KCNQ5: variants seen among roughly 807,000 people sequenced by gnomAD.
KCNQ5 encodes potassium voltage-gated channel subfamily Q member 5, also known as potassium voltage-gated channel subfamily KQT member 5.
In KCNQ5, 30 loss-of-function variants were observed where a neutral mutation model predicts 98.2. That is an observed-to-expected ratio of 0.31 (90% CI 0.23 to 0.41). The LOEUF (loss-of-function observed/expected upper bound fraction) is 0.41, where lower values mean the gene tolerates loss of function less well. KCNQ5 is among the 10% of genes least tolerant of loss of function. The probability of loss-of-function intolerance (pLI) is 1.00; values close to 1 mark genes in which losing one functional copy is unlikely to be tolerated. For synonymous variants in KCNQ5, 458 were observed against 449.4 expected (o/e 1.02, Z -0.24); for missense variants, 835 against 1,182.5 (o/e 0.71, Z 4.31).
chr6:73,055,049 TC>T, intron 3 of KCNQ5: 1 of 601,938 alleles, frequency 1.7e-6, no homozygotes, highest in Non-Finnish European at 3.1e-6. Context: ...ACCAACAACA[TC>T]CAAGCTGAGA....
intron 1 of KCNQ5, among the ~76,000 whole-genome samples, chr6:72,667,965 A>G (rs1354864742): frequency 6.6e-6 from 1 of 152,210 alleles, no homozygotes; most frequent in Non-Finnish European, 1.5e-5. Flanking sequence ...TATGACGAAC[A>G]ATTACAATGT....
At chr6:73,142,787 G>T (rs1191359877) in intron 10 of KCNQ5, among the ~76,000 whole-genome samples, 1 of 152,036 alleles carries the variant, frequency 6.6e-6, no homozygotes, top group Non-Finnish European at 1.5e-5. Flanking sequence ...GTGGTGGCGG[G>T]CACCTGTAAT....
chr6:72,679,481 C>A (rs12191216), intron 1 of KCNQ5, among the ~76,000 whole-genome samples: 19,309 of 149,116 alleles, frequency 0.13, 1,328 homozygotes, highest in South Asian at 0.19. Context: ...GAACAAAAAA[C>A]CAAACACCGC....
At chr6:72,767,364 G>C (rs1326836004) in intron 1 of KCNQ5, among the ~76,000 whole-genome samples, 3 of 151,940 alleles carry the variant, frequency 2.0e-5, no homozygotes, top group Admixed American at 1.3e-4. Context: ...CTAAATGTAA[G>C]AGCTGAAACT....
At chr6:72,678,205 C>A (rs1161140638) in intron 1 of KCNQ5, 1 of 151,942 alleles carries the variant, frequency 6.6e-6, no homozygotes, top group East Asian at 1.9e-4. Context: ...AAGAAATAAT[C>A]CTATAAAAGG....
intron 1 of KCNQ5, among the ~76,000 whole-genome samples, chr6:72,705,006 G>A (rs16882712): frequency 0.1 from 15,926 of 152,062 alleles, 1,488 homozygotes; most frequent in African/African-American, 0.25. Flanking sequence ...TCTTTGCTCC[G>A]AATAAACTGA....
intron 1 of KCNQ5, among the ~76,000 whole-genome samples, chr6:72,756,315 T>C (rs935492562): frequency 6.6e-6 from 1 of 152,190 alleles, no homozygotes; most frequent in East Asian, 1.9e-4. Context: ...CTTTTGGTCA[T>C]TGTTAGCAGG....
chr6:72,758,309 C>T (rs1385861831), intron 1 of KCNQ5, among the ~76,000 whole-genome samples: 2 of 152,098 alleles, frequency 1.3e-5, no homozygotes, highest in Admixed American at 6.6e-5. Flanking sequence ...TCAATAATTA[C>T]CTTTCTATTT....
At chr6:73,077,949 C>A in intron 5 of KCNQ5, 62 bp downstream of exon 5, 2 of 1,321,070 alleles carry the variant, frequency 1.5e-6, no homozygotes. Context: ...TTTAATACAA[C>A]GTAATGGTTC....
chr6:73,023,366 G>A lies in KCNQ5; in HGVS notation c.490-18570G>A, dbSNP rs117372543. Among the ~76,000 whole-genome samples, 503 of 152,156 alleles carry A rather than the reference G, an allele frequency of 3.3e-3. 3 individuals are homozygous for A. The highest frequency in any genetic ancestry group is 5.2e-3 in the Non-Finnish European group (356 of 68,012). On this transcript the variant is annotated intron_variant, in intron 2 of 13. Coordinates refer to ENST00000370398, the MANE Select transcript of KCNQ5 (RefSeq NM_019842.4). ...AATATATTACATTTGATTCATTTGG[G>A]GACCATCAGAAGGTACTGGAAATAT...
chr6:73,195,039 T>C lies in KCNQ5; in HGVS notation c.2424T>C (p.Phe808=), dbSNP rs760657464. Residue 808 remains phenylalanine, a synonymous_variant, in exon 14 of 14, where the codon TTT becomes TTC. Coordinates refer to ENST00000370398, the MANE Select transcript of KCNQ5 (RefSeq NM_019842.4). ...LTKDRSMRKS[F]DMGGETLLSV... The stretch of plus-strand genomic sequence containing the variant: ...AGGACCGTTCTATGAGGAAAAGCTT[T>C]GACATGGGAGGAGAAACTCTGTTGT... The C allele has an allele frequency of 6.8e-6, 11 of 1,614,202 alleles. No homozygotes were observed. The highest frequency in any genetic ancestry group is 8.5e-6 in the Non-Finnish European group (10 of 1,180,038).
rs1245365988 is a variant in KCNQ5, at chr6:73,123,835, A to G, written c.1221-651A>G. On this transcript the variant is annotated intron_variant, in intron 8 of 13. Coordinates refer to ENST00000370398, the MANE Select transcript of KCNQ5 (RefSeq NM_019842.4). ...AAAGCCTTTGATTTACTCATAAGAA[A>G]ACCAAAACCTGCAAGCAAATAAGGT... is the stretch of plus-strand genomic sequence containing the variant. Among the ~76,000 whole-genome samples, 7 of 152,282 alleles carry G rather than the reference A, an allele frequency of 4.6e-5. No homozygotes were observed. The East Asian group carries it at 1.3e-3, about 29-fold the overall frequency.
chr6:72,880,838 G>A (rs185293832), intron 1 of KCNQ5, among the ~76,000 whole-genome samples: 16 of 152,072 alleles, frequency 1.1e-4, no homozygotes, highest in East Asian at 9.7e-4. Context: ...TTTCTCTACC[G>A]TGCTAAAACT....
chr6:72,860,929 G>A (rs1364162756), intron 1 of KCNQ5, among the ~76,000 whole-genome samples: 2 of 152,022 alleles, frequency 1.3e-5, no homozygotes, highest in Non-Finnish European at 2.9e-5. Flanking sequence ...TCTACTCTGA[G>A]TAGTTTTCCC....
chr6:72,897,215 G>T (rs1779288099), intron 1 of KCNQ5, among the ~76,000 whole-genome samples: 1 of 152,022 alleles, frequency 6.6e-6, no homozygotes, highest in South Asian at 2.1e-4. Context: ...TGGCTTCTGT[G>T]ATGGAAATTA....
chr6:72,900,502 CAT>C (rs1249391130), intron 1 of KCNQ5, among the ~76,000 whole-genome samples: 8 of 144,960 alleles, frequency 5.5e-5, no homozygotes, highest in East Asian at 2.0e-4. Context: ...TATACTCCAT[CAT>C]ATATATATAT....
chr6:72,918,039 C>T (rs552132085), intron 1 of KCNQ5, among the ~76,000 whole-genome samples: 2 of 152,198 alleles, frequency 1.3e-5, no homozygotes, highest in Admixed American at 1.3e-4. Context: ...AAAAATGTCT[C>T]CAGATATTGC....
intron 1 of KCNQ5, among the ~76,000 whole-genome samples, chr6:72,954,088 C>A (rs1582080710): frequency 6.6e-6 from 1 of 152,316 alleles, no homozygotes; most frequent in South Asian, 2.1e-4. Flanking sequence ...GACCTCAGCA[C>A]AACCACGTAA....
chr6:73,186,252 A>G lies in KCNQ5; in HGVS notation c.1578-4321A>G, dbSNP rs368446921. On this transcript the variant is annotated intron_variant, in intron 11 of 13. Transcript: ENST00000370398. ...AAAAAAAAAAAAGAGAAAAAGAAAG[A>G]CAGTCTATGCTTTTAAACATTCCCT... 3.3e-5 allele frequency among the ~76,000 whole-genome samples: 5 copies of G among 152,100 alleles called. No homozygotes were observed. In the East Asian group the frequency reaches 9.7e-4, roughly 29 times the overall value.
Sources: gnomAD v4.1 joint callset for allele counts (sites outside exome capture counted in the v4.1 genomes callset) on GRCh38, gnomAD v4.1.1 for gene constraint, MANE v1.5 for transcripts, NCBI Gene and HGNC (gene_info 2026-07-23, HGNC 2026-07-21) for gene names.